The following PLEKHH2 variants were observed in gnomAD, a reference collection of about 807,000 sequenced individuals.
The protein encoded by PLEKHH2 is pleckstrin homology, MyTH4 and FERM domain containing H2, also known as pleckstrin homology domain-containing family H member 2.
PLEKHH2 carries 129 observed loss-of-function variants against 187.9 expected under a neutral mutation model. The ratio of observed to expected loss-of-function variants is 0.69; its 90% CI spans 0.59 to 0.79. The LOEUF (loss-of-function observed/expected upper bound fraction) is 0.79, where lower values mean the gene tolerates loss of function less well. PLEKHH2 is among the 30% of genes least tolerant of loss of function. PLEKHH2 has a pLI of 0.00. For missense variants in PLEKHH2, 2,076 were observed against 1,751.2 expected (o/e 1.19, Z -3.31); for synonymous variants, 686 against 605.6 (o/e 1.13, Z -1.95).
chr2:43,761,055 A>G (rs968489805), intron 27 of PLEKHH2, among the ~76,000 whole-genome samples: 5 of 152,212 alleles, frequency 3.3e-5, no homozygotes, highest in African/African-American at 1.2e-4. Flanking sequence ...AGTGGACACT[A>G]GAGTTGAAGG....
At chr2:43,659,986 C>T (rs1666986783) in intron 2 of PLEKHH2, among the ~76,000 whole-genome samples, 1 of 152,198 alleles carries the variant, frequency 6.6e-6, no homozygotes, top group Admixed American at 6.5e-5. Flanking sequence ...CTACCACAAT[C>T]AACATAAACA....
intron 1 of PLEKHH2, among the ~76,000 whole-genome samples, chr2:43,641,865 C>G (rs576200126): frequency 6.6e-6 from 1 of 152,304 alleles, no homozygotes; most frequent in East Asian, 1.9e-4. Context: ...GCAAGTACCA[C>G]ACTGTGTAAT....
chr2:43,686,612 A>G (rs1457990310), intron 3 of PLEKHH2, among the ~76,000 whole-genome samples: 1 of 152,228 alleles, frequency 6.6e-6, no homozygotes, highest in Non-Finnish European at 1.5e-5. Context: ...CCTTCATTAT[A>G]TGGAAAGCAA....
At chr2:43,682,818 A>G (rs901108448) in intron 3 of PLEKHH2, among the ~76,000 whole-genome samples, 1 of 152,180 alleles carries the variant, frequency 6.6e-6, no homozygotes, top group Non-Finnish European at 1.5e-5. Flanking sequence ...AAATGGATTT[A>G]TATACTATTT....
intron 2 of PLEKHH2, among the ~76,000 whole-genome samples, chr2:43,666,030 T>C (rs1476646095): frequency 2.7e-5 from 4 of 148,094 alleles, no homozygotes; most frequent in Non-Finnish European, 5.9e-5. Context: ...CTGCTTTGTT[T>C]ACCTAAGCAA....
chr2:43,746,014 A>G (rs775938485), intron 24 of PLEKHH2, 51 bp downstream of exon 24: 1 of 1,176,710 alleles, frequency 8.5e-7, no homozygotes, highest in Non-Finnish European at 1.2e-6. Context: ...AATATGTTCT[A>G]ATAATGCACC....
At chr2:43,728,624 T>G (rs1670893023) in intron 17 of PLEKHH2, among the ~76,000 whole-genome samples, 1 of 148,530 alleles carries the variant, frequency 6.7e-6, no homozygotes, top group Admixed American at 6.7e-5. Context: ...TGCAGTGGCG[T>G]GATCTCGGCT....
intron 27 of PLEKHH2, among the ~76,000 whole-genome samples, chr2:43,761,986 G>A (rs760117424): frequency 1.3e-5 from 2 of 152,044 alleles, no homozygotes; most frequent in Non-Finnish European, 2.9e-5. Context: ...ACGTCTTAAC[G>A]CAGAAGAAAA....
At chr2:43,657,068 T>C (rs1666811915) in intron 2 of PLEKHH2, among the ~76,000 whole-genome samples, 1 of 152,082 alleles carries the variant, frequency 6.6e-6, no homozygotes, top group Non-Finnish European at 1.5e-5. Context: ...CCTTAGTGGC[T>C]TCAATTAACA....
chr2:43,680,826 T>C, intron 3 of PLEKHH2: 1 of 452,702 alleles, frequency 2.2e-6, no homozygotes, highest in Non-Finnish European at 4.1e-6. Context: ...TTCTTGATTG[T>C]ATTTGCTTGA....
intron 2 of PLEKHH2, among the ~76,000 whole-genome samples, chr2:43,654,714 C>T (rs1325164554): frequency 2.0e-5 from 3 of 146,678 alleles, no homozygotes; most frequent in East Asian, 4.4e-4. Context: ...ACCCCCCCCC[C>T]CCGCATCTCT....
At chr2:43,680,758 G>A in intron 3 of PLEKHH2, 1 of 389,558 alleles carries the variant, frequency 2.6e-6, no homozygotes, top group South Asian at 2.4e-5. Context: ...ATATGTGGCA[G>A]CCGTACAAAG....
Position 43,707,558 on chromosome 2 carries a change from C to G in PLEKHH2, c.1966+13C>G, listed in dbSNP as rs764324981. ...GCCATGAAACGAGGTGAGGGAAAAT[C>G]GCAGGCATATGAGGCAACTCCAGAT... On this transcript the variant is annotated intron_variant, in intron 11 of 29. Transcript: ENST00000282406. The G allele has an allele frequency of 1.2e-6, 2 of 1,613,514 alleles. No homozygotes were observed. The highest frequency in any genetic ancestry group is 1.3e-5 in the African/African-American group (1 of 75,022).
intron 2 of PLEKHH2, among the ~76,000 whole-genome samples, chr2:43,668,839 A>G (rs180988049): frequency 2.0e-5 from 3 of 152,254 alleles, no homozygotes; most frequent in South Asian, 2.1e-4. Context: ...CAACTCTTCA[A>G]TTTGTGTTTC....
At chr2:43,656,781 G>A (rs1318683325) in intron 2 of PLEKHH2, among the ~76,000 whole-genome samples, 1 of 152,234 alleles carries the variant, frequency 6.6e-6, no homozygotes, top group Non-Finnish European at 1.5e-5. Context: ...ACTTTGGGAG[G>A]CTGAGGCGGG....
rs757654666 is a variant in PLEKHH2 at position 43,707,506 on chromosome 2, A to G, written c.1927A>G (p.Ser643Gly). The part of the protein sequence containing the change: ...SSRTSESDSR[S>G]RSGPGSPRAM... ...CCGGACGTCAGAGTCAGACTCACGC[A>G]GTAGGAGTGGGCCAGGCAGCCCCAG... Residue 643 changes from serine (S) to glycine (G), a missense_variant, in exon 11 of 30, where the codon AGT becomes GGT. Transcript: ENST00000282406. The G allele has an allele frequency of 1.2e-6, 2 of 1,614,186 alleles. No individual in the cohort carries two copies. The highest frequency in any genetic ancestry group is 3.3e-5 in the Admixed American group (2 of 60,016).
Position 43,700,469 on chromosome 2 carries a change from A to G in PLEKHH2, c.1511A>G (p.Asp504Gly), listed in dbSNP as rs1259574208. The G allele has an allele frequency of 2.5e-6, 4 of 1,614,086 alleles. No individual in the cohort carries two copies. Among genetic ancestry groups the G allele is most frequent in the African/African-American group, 1.3e-5 (1 of 74,996 alleles). The change falls in exon 8 of 30, where the codon GAC becomes GGC. Residue 504 changes from aspartate to glycine, a missense_variant. Physicochemically the swap from Asp to Gly is moderately conservative, Grantham distance 94. Transcript: ENST00000282406. ...GDSTEVLENM[D>G]TSCDDGLFSY... ...AGTACAGAAGTTTTAGAGAATATGG[A>G]CACGAGTTGTGATGATGGATTATTT...
intron 2 of PLEKHH2, among the ~76,000 whole-genome samples, chr2:43,654,717 G>A (rs1388023090): frequency 9.5e-6 from 1 of 104,820 alleles, no homozygotes; most frequent in Admixed American, 1.1e-4. Context: ...CCCCCCCCCC[G>A]CATCTCTACC....
chr2:43,721,565 G>A (rs1670481260), intron 16 of PLEKHH2, among the ~76,000 whole-genome samples: 1 of 152,150 alleles, frequency 6.6e-6, no homozygotes, highest in Non-Finnish European at 1.5e-5. Flanking sequence ...TAATGGGGTA[G>A]AGATTAACGC....
Sources: gnomAD v4.1 joint callset for allele counts (sites outside exome capture counted in the v4.1 genomes callset) on GRCh38, gnomAD v4.1.1 for gene constraint, MANE v1.5 for transcripts, NCBI Gene and HGNC (gene_info 2026-07-23, HGNC 2026-07-21) for gene names.